Variants in LMOD3 observed in about 807,000 individuals in gnomAD.
LMOD3 encodes the protein leiomodin-3.
In LMOD3, 31 loss-of-function variants were observed where a neutral mutation model predicts 41.8. The ratio of observed to expected loss-of-function variants is 0.74; its 90% CI spans 0.56 to 1.00. The LOEUF (loss-of-function observed/expected upper bound fraction) is 1.00. Among genes scored for constraint, LMOD3 ranks in the 50% least tolerant of loss-of-function variants. The pLI, the probability that LMOD3 is intolerant of heterozygous loss-of-function variation, is 0.00. For missense variants in LMOD3, 755 were observed against 679.5 expected (o/e 1.11, Z -1.23); for synonymous variants, 292 against 241.9 (o/e 1.21, Z -1.92).
chr3:69,116,709 C>T (rs1287255635), intron 2 of LMOD3, among the ~76,000 whole-genome samples: 4 of 152,106 alleles, frequency 2.6e-5, no homozygotes, highest in African/African-American at 9.7e-5. Flanking sequence ...TGTGTGCGGT[C>T]GAGACTGAAC....
Position 69,119,349 on chromosome 3 carries a change from A to C in LMOD3, c.1006T>G (p.Phe336Val). The C allele has an allele frequency of 6.2e-7, 1 of 1,613,896 alleles. No homozygotes were observed. Among genetic ancestry groups the C allele is most frequent in the Non-Finnish European group, 8.5e-7 (1 of 1,179,872 alleles). ...CGAAGCTCAGTTAGCGTCTCATTAA[A>C]CTGGAGACACCTCATGATGGCCACA... ...GIVAIMRCLQ[F>V]NETLTELRFH... Residue 336 changes from phenylalanine to valine, a missense_variant, in exon 2 of 3, where the codon TTT (phenylalanine) becomes GTT (valine). Physicochemically the swap from Phe to Val is conservative, Grantham distance 50 (BLOSUM62 -1). Transcript: ENST00000420581.
At chr3:69,118,292 G>C (rs2092386360) in intron 2 of LMOD3, among the ~76,000 whole-genome samples, 1 of 152,144 alleles carries the variant, frequency 6.6e-6, no homozygotes, top group South Asian at 2.1e-4. Flanking sequence ...TTCAATGTCA[G>C]CTCTACCACT....
intron 2 of LMOD3, among the ~76,000 whole-genome samples, chr3:69,111,214 G>A (rs901481179): frequency 5.9e-5 from 9 of 152,082 alleles, no homozygotes; most frequent in African/African-American, 1.9e-4. Flanking sequence ...CTCAGCCCAC[G>A]ATCTTTGGCT....
chr3:69,106,373 G>C lies in LMOD3; in HGVS notation c.*2722C>G, dbSNP rs976334624. On this transcript the variant is annotated 3_prime_UTR_variant, in exon 3 of 3. Coordinates refer to ENST00000420581, the MANE Select transcript of LMOD3 (RefSeq NM_198271.5). ...GAAACTAATAAAAAAAAAGATACCT[G>C]TAATTACTAATGGCCAGTAGTCAAT... Among the ~76,000 whole-genome samples, 15 of 152,056 alleles carry C rather than the reference G, an allele frequency of 9.9e-5. No individual in the cohort carries two copies. The highest frequency in any genetic ancestry group is 2.2e-4 in the Non-Finnish European group (15 of 68,010).
Position 69,119,210 on chromosome 3 carries a change from G to A in LMOD3, c.1145C>T (p.Pro382Leu), listed in dbSNP as rs781388677. 1.9e-6 allele frequency: 3 copies of A among 1,613,732 alleles called. No individual in the cohort carries two copies. Among genetic ancestry groups the A allele is most frequent in the South Asian group, 2.2e-5 (2 of 91,064 alleles). Residue 382 changes from proline (P) to leucine (L), a missense_variant, in exon 2 of 3, where the codon CCC (proline) becomes CTC (leucine). Pro to Leu is a moderately conservative substitution (Grantham distance 98). Transcript: ENST00000420581. ...KMGYHFELPG[P>L]RMVVTNLLTR... ...GAGCAGATTAGTGACCACCATTCTG[G>A]GACCCGGAAGCTCAAAATGGTAGCC...
In LMOD3 at chr3:69,122,567, C is replaced by G. The variant is rs1370763525; in HGVS notation, c.-181G>C. 8.9e-6 allele frequency: 5 copies of G among 562,784 alleles called. No homozygotes were observed. The African/African-American group carries it at 9.5e-5, about 11-fold the overall frequency. 34.9% of individuals were successfully genotyped at this position (562,784 alleles called of 1,614,324 possible). On this transcript the variant is annotated 5_prime_UTR_variant, in exon 1 of 3. Transcript: ENST00000420581. ...GGTTTGCTGAGCAGCTAGGAGTGAT[C>G]ACAGCTAAGCTCTTGCCGGATCTAT...
At chr3:69,113,598 G>C (rs1396224253) in intron 2 of LMOD3, among the ~76,000 whole-genome samples, 1 of 152,226 alleles carries the variant, frequency 6.6e-6, no homozygotes, top group African/African-American at 2.4e-5. Flanking sequence ...TCTTTCTGGA[G>C]GAAAATTTAG....
chr3:69,112,249 T>C (rs1575873002), intron 2 of LMOD3, among the ~76,000 whole-genome samples: 1 of 152,236 alleles, frequency 6.6e-6, no homozygotes, highest in Non-Finnish European at 1.5e-5. Flanking sequence ...CACATACGCA[T>C]ACACTCAGAG....
intron 2 of LMOD3, among the ~76,000 whole-genome samples, chr3:69,112,485 G>GCTGTCAACCTGA (rs2092354392): frequency 6.6e-6 from 1 of 152,234 alleles, no homozygotes; most frequent in Admixed American, 6.5e-5. Context: ...TGCTATAAAA[G>GCTGTCAACCTGA]AGGTGTGGAC....
intron 2 of LMOD3, among the ~76,000 whole-genome samples, chr3:69,115,483 A>AAC (rs10604147): frequency 0.12 from 16,785 of 144,826 alleles, 1,176 homozygotes; most frequent in African/African-American, 0.21. Context: ...TCCTGCCTCA[A>AAC]ACACACACAC....
chr3:69,117,669 G>A (rs141983666), intron 2 of LMOD3, among the ~76,000 whole-genome samples: 1 of 152,094 alleles, frequency 6.6e-6, no homozygotes, highest in Non-Finnish European at 1.5e-5. Context: ...TTAAAACTCC[G>A]TGAATTCATG....
At chr3:69,110,669 C>T (rs2092344770) in intron 2 of LMOD3, among the ~76,000 whole-genome samples, 1 of 146,780 alleles carries the variant, frequency 6.8e-6, no homozygotes, top group African/African-American at 2.5e-5. Flanking sequence ...AGGGTGAAAC[C>T]CTGTCTTTAC....
rs879299704 is a variant in LMOD3, at chr3:69,119,191, A to G, written c.1164T>C (p.Asn388=). ...GTTTATCCTGATTCCTGGTGAGCAG[A>G]TTAGTGACCACCATTCTGGGACCCG... ...ELPGPRMVVT[N]LLTRNQDKQR... Residue 388 remains asparagine (N), a synonymous_variant, in exon 2 of 3, where the codon AAT becomes AAC. Coordinates refer to ENST00000420581, the MANE Select transcript of LMOD3 (RefSeq NM_198271.5). The G allele has an allele frequency of 1.2e-6, 2 of 1,613,886 alleles. No individual in the cohort carries two copies. Among genetic ancestry groups the G allele is most frequent in the Non-Finnish European group, 1.7e-6 (2 of 1,179,860 alleles).
chr3:69,108,814 G>A lies in LMOD3; in HGVS notation c.*281C>T, dbSNP rs1051901. The A allele has an allele frequency of 3.6e-5, 12 of 332,978 alleles. No individual in the cohort carries two copies. Among genetic ancestry groups the A allele is most frequent in the African/African-American group, 8.5e-5 (4 of 46,868 alleles). 20.6% of individuals were successfully genotyped at this position (332,978 alleles called of 1,614,324 possible). A position where few individuals can be genotyped will look rare whatever the true frequency, so the allele number is the denominator to read the frequency against. On this transcript the variant is annotated 3_prime_UTR_variant, in exon 3 of 3. Transcript: ENST00000420581. ...AAAAATTTTCTTTAACTTCTGCTTC[G>A]GGAAATATGACTCTAAATTTCACCT...
rs17005368 is a variant in LMOD3, at chr3:69,117,668, C to T, written c.1656+1031G>A. Among the ~76,000 whole-genome samples the T allele has an allele frequency of 6.9e-3, 1,043 of 152,178 alleles. 10 individuals carry two copies. Among genetic ancestry groups the T allele is most frequent in the African/African-American group, 0.024 (989 of 41,510 alleles). ...AATTGAAATAGTGATTTTAAAACTC[C>T]GTGAATTCATGGTGACACCAACCTG... On this transcript the variant is annotated intron_variant, in intron 2 of 2. Coordinates refer to ENST00000420581, the MANE Select transcript of LMOD3 (RefSeq NM_198271.5).
At chr3:69,109,520 C>CTTTTTTTTTTTT (rs923225067) in intron 2 of LMOD3, among the ~76,000 whole-genome samples, 1 of 98,710 alleles carries the variant, frequency 1.0e-5, no homozygotes, top group African/African-American at 4.4e-5. Flanking sequence ...CATGTTAACA[C>CTTTTTTTTTTTT]TTTTTTTTTT....
intron 2 of LMOD3, among the ~76,000 whole-genome samples, chr3:69,113,249 G>C (rs2092357521): frequency 6.6e-6 from 1 of 152,132 alleles, no homozygotes; most frequent in South Asian, 2.1e-4. Context: ...CTAAAAATGA[G>C]CAGCTTGGTT....
Position 69,119,978 on chromosome 3 carries a change from T to A in LMOD3, c.377A>T (p.Glu126Val), listed in dbSNP as rs373555062. 2.5e-6 allele frequency: 4 copies of A among 1,598,914 alleles called. No homozygotes were observed. The African/African-American group carries it at 5.4e-5, about 21-fold the overall frequency. Residue 126 changes from glutamate to valine, a missense_variant, in exon 2 of 3, where the codon GAA (glutamate) becomes GTA (valine). Coordinates refer to ENST00000420581, the MANE Select transcript of LMOD3 (RefSeq NM_198271.5). ...AQYLKEKLNN[E>V]IVANKRESKG... is the part of the protein sequence containing the mutation. ...TGATTCTCTTTTATTTGCAACTATT[T>A]CATTATTGAGCTTTTCTTTTAAATA...
intron 2 of LMOD3, among the ~76,000 whole-genome samples, chr3:69,117,011 G>A (rs1367670504): frequency 1.3e-5 from 2 of 152,152 alleles, no homozygotes; most frequent in East Asian, 1.9e-4. Context: ...AATATTCTTT[G>A]CCAATGACTA....
Sources: allele counts gnomAD v4.1 joint callset (sites outside exome capture counted in the v4.1 genomes callset), GRCh38; gene constraint gnomAD v4.1.1; transcripts MANE v1.5; gene names NCBI Gene and HGNC (gene_info 2026-07-23, HGNC 2026-07-21).